Variants in MSRA observed in about 807,000 individuals in gnomAD.
MSRA encodes mitochondrial peptide methionine sulfoxide reductase.
MSRA carries 54 observed loss-of-function variants against 31.3 expected under a neutral mutation model. The observed-to-expected ratio is 1.73, with a 90% CI of 1.39 to 2.17. The LOEUF is 2.17. Ranked by LOEUF, MSRA falls within the 30% of genes most tolerant of loss-of-function variation. The pLI is 0.00. For synonymous variants in MSRA, 169 were observed against 116.5 expected, an observed-to-expected ratio of 1.45 and a Z score of -2.90; for missense variants, 507 against 300.9, an observed-to-expected ratio of 1.69 and a Z score of -5.07.
intron 1 of MSRA, among the ~76,000 whole-genome samples, chr8:10,085,814 A>T (rs1357494310): frequency 6.6e-6 from 1 of 152,218 alleles, no homozygotes; most frequent in Non-Finnish European, 1.5e-5. Context: ...CTTTTTAAAG[A>T]TAAATTTCAT....
At chr8:10,376,021 G>A (rs1347219801) in intron 5 of MSRA, among the ~76,000 whole-genome samples, 1 of 152,148 alleles carries the variant, frequency 6.6e-6, no homozygotes, top group African/African-American at 2.4e-5. Flanking sequence ...GTCAGGTTCA[G>A]GACTTTCCTC....
chr8:10,112,368 T>C (rs190709007), intron 1 of MSRA, among the ~76,000 whole-genome samples: 4 of 152,346 alleles, frequency 2.6e-5, no homozygotes, highest in East Asian at 1.9e-4. Flanking sequence ...AAATGAGATA[T>C]AGAAGGCTAC....
intron 1 of MSRA, among the ~76,000 whole-genome samples, chr8:10,179,396 C>T (rs928071877): frequency 6.6e-6 from 1 of 152,174 alleles, no homozygotes; most frequent in South Asian, 2.1e-4. Flanking sequence ...TGGGACTGAG[C>T]AATCTCCATG....
At chr8:10,213,949 T>A (rs1809751758) in intron 2 of MSRA, among the ~76,000 whole-genome samples, 1 of 152,044 alleles carries the variant, frequency 6.6e-6, no homozygotes, top group Non-Finnish European at 1.5e-5. Context: ...ACCTTAATGT[T>A]GATAAATTGA....
intron 1 of MSRA, among the ~76,000 whole-genome samples, chr8:10,192,853 A>G (rs758905835): frequency 7.5e-6 from 1 of 132,692 alleles, no homozygotes; most frequent in Non-Finnish European, 1.6e-5. Flanking sequence ...ACCACCGTTT[A>G]TAACAGCATG....
intron 4 of MSRA, among the ~76,000 whole-genome samples, chr8:10,317,378 C>A (rs1231981089): frequency 6.6e-6 from 1 of 152,218 alleles, no homozygotes; most frequent in Non-Finnish European, 1.5e-5. Context: ...GCCCTCTGAG[C>A]AGAGGAGAAG....
At chr8:10,407,411 T>C (rs1481660408) in intron 5 of MSRA, among the ~76,000 whole-genome samples, 1 of 151,976 alleles carries the variant, frequency 6.6e-6, no homozygotes, top group African/African-American at 2.4e-5. Flanking sequence ...GCCTTAGAGG[T>C]GGCGATGAGG....
chr8:10,401,747 CAT>C (rs1793141786), intron 5 of MSRA, among the ~76,000 whole-genome samples: 3 of 152,268 alleles, frequency 2.0e-5, no homozygotes, highest in East Asian at 1.9e-4. Context: ...AAAATTCTGA[CAT>C]GTGCTACAGA....
intron 2 of MSRA, among the ~76,000 whole-genome samples, chr8:10,225,610 G>T (rs1431898367): frequency 6.6e-6 from 1 of 152,188 alleles, no homozygotes; most frequent in Non-Finnish European, 1.5e-5. Context: ...CATAGAGAGG[G>T]ACTTAAAGAG....
chr8:10,111,179 T>C (rs1166433046), intron 1 of MSRA, among the ~76,000 whole-genome samples: 3 of 152,188 alleles, frequency 2.0e-5, no homozygotes, highest in Admixed American at 2.0e-4. Context: ...GCTTTGGTCA[T>C]TTCTTGGTAC....
chr8:10,407,805 C>G (rs1807910842), intron 5 of MSRA, among the ~76,000 whole-genome samples: 1 of 152,152 alleles, frequency 6.6e-6, no homozygotes, highest in African/African-American at 2.4e-5. Context: ...ACATTTTAAT[C>G]AAAATTCTTG....
chr8:10,351,782 C>A (rs1804166292), intron 5 of MSRA, among the ~76,000 whole-genome samples: 1 of 152,150 alleles, frequency 6.6e-6, no homozygotes, highest in African/African-American at 2.4e-5. Context: ...ACCGAAGTCA[C>A]CTGGGGATCT....
At chr8:10,197,817 C>G (rs941312499) in intron 1 of MSRA, among the ~76,000 whole-genome samples, 1 of 152,156 alleles carries the variant, frequency 6.6e-6, no homozygotes, top group African/African-American at 2.4e-5. Context: ...TTGGTTTATT[C>G]TGGAAGTCCC....
intron 1 of MSRA, among the ~76,000 whole-genome samples, chr8:10,131,483 TTA>T (rs1388409459): frequency 6.6e-6 from 1 of 152,126 alleles, no homozygotes. Context: ...TTCACAAAGG[TTA>T]TGAGTGTGAA....
chr8:10,256,159 G>A (rs919803990), intron 3 of MSRA, among the ~76,000 whole-genome samples: 13 of 152,074 alleles, frequency 8.5e-5, no homozygotes, highest in Admixed American at 2.6e-4. Context: ...CCTGGCAACT[G>A]CTGATCTTTT....
intron 2 of MSRA, among the ~76,000 whole-genome samples, chr8:10,217,643 A>C (rs1325639250): frequency 4.7e-5 from 7 of 150,492 alleles, no homozygotes; most frequent in Non-Finnish European, 8.9e-5. Context: ...CTACATCCCC[A>C]CTCCCTCCCC....
At chr8:10,068,029 A>G (rs372751239) in intron 1 of MSRA, among the ~76,000 whole-genome samples, 66 of 151,962 alleles carry the variant, frequency 4.3e-4, no homozygotes, top group African/African-American at 1.4e-3. Context: ...GACTACAGGC[A>G]TGTGCCACCA....
In MSRA at chr8:10,224,556, A is replaced by C. The variant is rs1383028231; in HGVS notation, c.211+16655A>C. Reference sequence around the variant, plus strand: ...CTTTTCTCAAGAGCAGAGAGGGCACACTCTTTAATGGGTTAGAGATGGGGG... The same window carrying C: ...CTTTTCTCAAGAGCAGAGAGGGCACCCTCTTTAATGGGTTAGAGATGGGGG... On this transcript the variant is annotated intron_variant, in intron 2 of 5. Transcript: ENST00000317173. Among the ~76,000 whole-genome samples the C allele has an allele frequency of 3.3e-5, 5 of 152,016 alleles. No individual in the cohort carries two copies. In the East Asian group the frequency reaches 9.7e-4, roughly 29 times the overall value.
chr8:10,151,631 C>G (rs1001930297), intron 1 of MSRA, among the ~76,000 whole-genome samples: 1 of 152,180 alleles, frequency 6.6e-6, no homozygotes, highest in Admixed American at 6.5e-5. Flanking sequence ...GCCTGGGCGA[C>G]AGAGTGAGAC....
Sources: gnomAD v4.1 joint callset for allele counts (sites outside exome capture counted in the v4.1 genomes callset) on GRCh38, gnomAD v4.1.1 for gene constraint, MANE v1.5 for transcripts, NCBI Gene and HGNC (gene_info 2026-07-23, HGNC 2026-07-21) for gene names.